Variants in PGR observed in about 807,000 individuals in gnomAD.
The protein encoded by PGR is nuclear receptor subfamily 3 group C member 3.
A neutral mutation model predicts 76.1 loss-of-function variants in PGR; 25 were observed. That is an observed-to-expected ratio of 0.33 (90% CI 0.24 to 0.46). PGR has a LOEUF of 0.46. Among genes scored for constraint, PGR ranks in the 20% least tolerant of loss-of-function variants. The probability of loss-of-function intolerance (pLI) is 1.00; values close to 1 mark genes in which losing one functional copy is unlikely to be tolerated. For missense variants in PGR, 1,172 were observed against 1,225.3 expected (o/e 0.96, Z 0.65); for synonymous variants, 579 against 535.0 (o/e 1.08, Z -1.14).
chr11:101,098,435 A>T (rs1486868090), intron 2 of PGR, among the ~76,000 whole-genome samples: 1 of 152,208 alleles, frequency 6.6e-6, no homozygotes. Context: ...GGAATGAAAT[A>T]GTGAAAGTCA....
rs751642083 is a variant in PGR, at chr11:101,127,996, G to A, written c.1075C>T (p.Pro359Ser). The change falls in exon 1 of 8, where the codon CCC becomes TCC. Residue 359 changes from proline (P) to serine (S), a missense_variant. Around this residue, in one of 4 missense-constraint regions of PGR, gnomAD observed 893 missense variants for 785.9 expected, o/e 1.14. Coordinates refer to ENST00000325455, the MANE Select transcript of PGR (RefSeq NM_000926.4). ...SSTPVAVGDFPDCAYPPDAEP... is the reference protein window; with the variant it reads ...SSTPVAVGDFSDCAYPPDAEP... ...GCGTCGGGCGGGTACGCGCAGTCGG[G>A]GAAGTCGCCTACAGCGACCGGGGTG... 9.3e-6 allele frequency: 15 copies of A among 1,611,362 alleles called. No individual in the cohort carries two copies. Among genetic ancestry groups the A allele is most frequent in the East Asian group, 2.2e-5 (1 of 44,776 alleles).
rs1859463931 is a variant in PGR at position 101,035,072 on chromosome 11, T to C, written c.*4044A>G. On this transcript the variant is annotated 3_prime_UTR_variant, in exon 8 of 8. Transcript: ENST00000325455. ...ATCTGGCTATGTATTTTCTGTAAAATTTTAAGAGATGTAGAAATTTCCCAC... is the reference window on the plus strand; with the variant it reads ...ATCTGGCTATGTATTTTCTGTAAAACTTTAAGAGATGTAGAAATTTCCCAC... 1 of 205,684 alleles carries C rather than the reference T, an allele frequency of 4.9e-6. No individual in the cohort carries two copies. The highest frequency in any genetic ancestry group is 2.3e-5 in the African/African-American group (1 of 43,866). The allele number at this position is 205,684 out of a possible 1,614,324, so 12.7% of individuals were successfully genotyped here. A position where few individuals can be genotyped will look rare whatever the true frequency, so the allele number is the denominator to read the frequency against.
At chr11:101,051,343 GATC>G in intron 5 of PGR, 78 bp downstream of exon 5, 1 of 915,868 alleles carries the variant, frequency 1.1e-6, no homozygotes, top group Admixed American at 1.8e-5. Flanking sequence ...CTAAATATGT[GATC>G]ATCTATTGAA....
chr11:101,121,080 A>G (rs1157981635), intron 2 of PGR, among the ~76,000 whole-genome samples: 1 of 152,236 alleles, frequency 6.6e-6, no homozygotes, highest in Non-Finnish European at 1.5e-5. Flanking sequence ...CCAGTCTATC[A>G]TTATCCATGC....
chr11:101,072,021 A>C (rs894554466), intron 3 of PGR, among the ~76,000 whole-genome samples: 4 of 152,084 alleles, frequency 2.6e-5, no homozygotes, highest in African/African-American at 9.7e-5. Context: ...CAAGACACAT[A>C]ACTGTCAGAT....
intron 2 of PGR, among the ~76,000 whole-genome samples, chr11:101,109,743 A>G (rs1385150603): frequency 1.3e-5 from 2 of 152,228 alleles, no homozygotes; most frequent in Admixed American, 6.5e-5. Flanking sequence ...AGGTAGCTAC[A>G]CTAAACAACA....
In PGR at chr11:101,032,134, T is replaced by C. The variant is rs1859372953; in HGVS notation, c.*6982A>G. On this transcript the variant is annotated 3_prime_UTR_variant, in exon 8 of 8. Coordinates refer to ENST00000325455, the MANE Select transcript of PGR (RefSeq NM_000926.4). ...ATAATTAGACATCTGGCCTTGTGTT[T>C]GACAATTTATATGGTGTATTTCATC... 1 of 232,828 alleles carries C rather than the reference T, an allele frequency of 4.3e-6. No individual in the cohort carries two copies. The highest frequency in any genetic ancestry group is 1.8e-4 in the South Asian group (1 of 5,532). The allele number at this position is 232,828 out of a possible 1,614,324, so 14.4% of individuals were successfully genotyped here. A position where few individuals can be genotyped will look rare whatever the true frequency, so the allele number is the denominator to read the frequency against.
Position 101,128,355 on chromosome 11 carries a change from C to A in PGR, c.716G>T (p.Gly239Val). The part of the protein sequence containing the change: ...SEESAGPLLK[G>V]KPRALGGAAA... ...CGCGCCACCCAGAGCCCGAGGTTTGCCCTTCAGAAGCGGACCCGCAGACTC... is the reference window on the plus strand; with the variant it reads ...CGCGCCACCCAGAGCCCGAGGTTTGACCTTCAGAAGCGGACCCGCAGACTC... Residue 239 changes from glycine to valine, a missense_variant, in exon 1 of 8, where the codon GGC becomes GTC. This residue lies in a region of PGR where 893 missense variants were observed against 785.9 expected (regional missense o/e 1.14). Coordinates refer to ENST00000325455, the MANE Select transcript of PGR (RefSeq NM_000926.4). 1 of 1,604,170 alleles carries A rather than the reference C, an allele frequency of 6.2e-7. No homozygotes were observed. The highest frequency in any genetic ancestry group is 8.5e-7 in the Non-Finnish European group (1 of 1,179,192).
At chr11:101,107,921 T>C (rs1040048568) in intron 2 of PGR, among the ~76,000 whole-genome samples, 1 of 148,080 alleles carries the variant, frequency 6.8e-6, no homozygotes, top group Non-Finnish European at 1.5e-5. Context: ...TAATTAACAT[T>C]TTCCTAAATG....
chr11:101,078,002 T>C (rs138046431), intron 3 of PGR, among the ~76,000 whole-genome samples: 137 of 152,352 alleles, frequency 9.0e-4, no homozygotes, highest in African/African-American at 3.3e-3. Context: ...TCTGTACTTC[T>C]AGAAAAGATA....
chr11:101,117,871 G>A (rs1862559019), intron 2 of PGR, among the ~76,000 whole-genome samples: 1 of 152,048 alleles, frequency 6.6e-6, no homozygotes, highest in Non-Finnish European at 1.5e-5. Flanking sequence ...CATATGAAGT[G>A]GAAATGGTAA....
At position 101,063,039 on chromosome 11, in the gene PGR, GT is replaced by G. The variant is rs11571220; in HGVS notation, c.1907-288del. 10 of 294,874 alleles carry G rather than the reference GT, an allele frequency of 3.4e-5. No homozygotes were observed. The East Asian group carries it at 7.1e-4, about 21-fold the overall frequency. The allele number at this position is 294,874 out of a possible 1,614,324, so 18.3% of individuals were successfully genotyped here. A position where few individuals can be genotyped will look rare whatever the true frequency, so the allele number is the denominator to read the frequency against. On this transcript the variant is annotated intron_variant, in intron 3 of 7. Coordinates refer to ENST00000325455, the MANE Select transcript of PGR (RefSeq NM_000926.4). ...GTAATTATACCAGTATTCTGCAGGG[GT>G]CATGGAGCTTTTTAGGAGAAGATAT... is the stretch of plus-strand genomic sequence containing the variant.
chr11:101,078,843 C>T (rs1400566279), intron 3 of PGR, among the ~76,000 whole-genome samples: 1 of 152,118 alleles, frequency 6.6e-6, no homozygotes, highest in African/African-American at 2.4e-5. Context: ...CTAATATTCT[C>T]TCATGTTTTA....
At chr11:101,058,455 A>G (rs188642881) in intron 4 of PGR, among the ~76,000 whole-genome samples, 2 of 152,314 alleles carry the variant, frequency 1.3e-5, no homozygotes, top group Admixed American at 1.3e-4. Context: ...TTGTTTTGGC[A>G]CGCTTCAAAA....
chr11:101,069,003 A>C (rs993851414), intron 3 of PGR, among the ~76,000 whole-genome samples: 18 of 152,086 alleles, frequency 1.2e-4, no homozygotes, highest in Non-Finnish European at 7.4e-5. Flanking sequence ...GCAACAAAAG[A>C]CAAAATTGAC....
At chr11:101,103,692 T>C (rs1862064270) in intron 2 of PGR, among the ~76,000 whole-genome samples, 1 of 152,242 alleles carries the variant, frequency 6.6e-6, no homozygotes, top group African/African-American at 2.4e-5. Context: ...AATTTTTATG[T>C]CTTAGTAGTT....
chr11:101,038,129 T>C lies in PGR; in HGVS notation c.*987A>G, dbSNP rs149821866. On this transcript the variant is annotated 3_prime_UTR_variant, in exon 8 of 8. Transcript: ENST00000325455. ...GCTGAAACATAATATGAATTCATGA[T>C]AGTGGAGGATAAAGAGGAGAAAGGT... 8.8e-4 allele frequency: 170 copies of C among 193,086 alleles called. 3 individuals are homozygous for C. In the East Asian group the frequency reaches 0.014, roughly 16 times the overall value. 12.0% of individuals were successfully genotyped at this position (193,086 alleles called of 1,614,324 possible).
chr11:101,054,869 T>C (rs1363469174), intron 4 of PGR, among the ~76,000 whole-genome samples: 2 of 152,190 alleles, frequency 1.3e-5, no homozygotes, highest in African/African-American at 2.4e-5. Context: ...GAATTGCTCA[T>C]TGGAGTAATA....
At position 101,034,837 on chromosome 11, in the gene PGR, G is replaced by A. The variant is rs916253048; in HGVS notation, c.*4279C>T. 1 of 179,386 alleles carries A rather than the reference G, an allele frequency of 5.6e-6. No individual in the cohort carries two copies. Among genetic ancestry groups the A allele is most frequent in the Non-Finnish European group, 1.2e-5 (1 of 83,826 alleles). The allele number at this position is 179,386 out of a possible 1,614,324, so 11.1% of individuals were successfully genotyped here. On this transcript the variant is annotated 3_prime_UTR_variant, in exon 8 of 8. Transcript: ENST00000325455. Reference sequence around the variant, plus strand: ...GTTTTACTGCTTTTTGTTCAATTTTGTATTTAGTAAGGACCATAGAGTGTG... The same window carrying A: ...GTTTTACTGCTTTTTGTTCAATTTTATATTTAGTAAGGACCATAGAGTGTG...
Sources: gnomAD v4.1 joint callset for allele counts (sites outside exome capture counted in the v4.1 genomes callset) on GRCh38, gnomAD v4.1.1 for gene constraint, gnomAD v4.1.1 regional missense constraint, MANE v1.5 for transcripts, NCBI Gene and HGNC (gene_info 2026-07-23, HGNC 2026-07-21) for gene names.